The following TMTC1 variants were observed in gnomAD, a reference collection of about 807,000 sequenced individuals.
TMTC1 encodes the protein transmembrane O-mannosyltransferase targeting cadherins 1.
A neutral mutation model predicts 104.8 loss-of-function variants in TMTC1; 73 were observed. That is an observed-to-expected ratio of 0.70 (90% confidence interval 0.58 to 0.85). TMTC1 has a LOEUF of 0.85. Ranked by LOEUF, TMTC1 falls within the 40% of genes least tolerant of loss-of-function variation. The pLI is 0.00. For missense variants in TMTC1, 1,035 were observed against 1,096.1 expected, an observed-to-expected ratio of 0.94 and a Z score of 0.79; for synonymous variants, 434 against 428.7, an observed-to-expected ratio of 1.01 and a Z score of -0.15.
In TMTC1 at chr12:29,721,019, C is replaced by T. The variant is rs555913705; in HGVS notation, c.938+30647G>A. ...CTTCAATGAGCTGAGAAAAAAATAA[C>T]TGTCAAATCAGAAATACATCCCTAA... On this transcript the variant is annotated intron_variant, in intron 5 of 17. Transcript: ENST00000539277. Among the ~76,000 whole-genome samples, 3 of 152,064 alleles carry T rather than the reference C, an allele frequency of 2.0e-5. No individual in the cohort carries two copies. In the East Asian group the frequency reaches 5.8e-4, roughly 29 times the overall value.
At chr12:29,737,447 G>C (rs1008138132) in intron 5 of TMTC1, among the ~76,000 whole-genome samples, 8 of 152,190 alleles carry the variant, frequency 5.3e-5, no homozygotes, top group Non-Finnish European at 1.0e-4. Flanking sequence ...CTGGGAGGCG[G>C]GGGTTGCGGT....
At chr12:29,774,774 C>G (rs2120599749) in intron 1 of TMTC1, among the ~76,000 whole-genome samples, 1 of 152,326 alleles carries the variant, frequency 6.6e-6, no homozygotes, top group South Asian at 2.1e-4. Flanking sequence ...CTTCTGCATT[C>G]CCTTCAGTAC....
At position 29,521,566 on chromosome 12, in the gene TMTC1, CT is replaced by C. The variant is rs3036151; in HGVS notation, c.1786-847del. ...GGTACATTTTTCTTTTTCTTTCTTT[CT>C]TTTTTTTTTTTTTTTTGAGACAGAG... On this transcript the variant is annotated intron_variant, in intron 11 of 17. Transcript: ENST00000539277. 5.7e-3 allele frequency among the ~76,000 whole-genome samples: 515 copies of C among 89,618 alleles called. 3 individuals are homozygous for C. The highest frequency in any genetic ancestry group is 0.047 in the South Asian group (140 of 2,992). 58.8% of individuals were successfully genotyped at this position (89,618 alleles called of 152,430 possible). A position where few individuals can be genotyped will look rare whatever the true frequency, so the allele number is the denominator to read the frequency against.
chr12:29,615,310 C>T (rs896659114), intron 6 of TMTC1, among the ~76,000 whole-genome samples: 2 of 152,178 alleles, frequency 1.3e-5, no homozygotes, highest in African/African-American at 2.4e-5. Context: ...CTGTAAGAAC[C>T]TTCCATGAAA....
intron 7 of TMTC1, among the ~76,000 whole-genome samples, chr12:29,585,400 C>T (rs1348721530): frequency 6.6e-6 from 1 of 152,080 alleles, no homozygotes; most frequent in Non-Finnish European, 1.5e-5. Context: ...TGCCTGTTTA[C>T]TCTGATGGTA....
intron 5 of TMTC1, among the ~76,000 whole-genome samples, chr12:29,722,284 A>C (rs987020137): frequency 6.6e-5 from 10 of 152,148 alleles, no homozygotes; most frequent in Admixed American, 1.3e-4. Context: ...TCATCCACAA[A>C]AGAGCGGTGG....
intron 6 of TMTC1, among the ~76,000 whole-genome samples, chr12:29,631,174 T>C (rs866368898): frequency 1.3e-5 from 2 of 152,234 alleles, no homozygotes; most frequent in South Asian, 4.1e-4. Context: ...GATTTATGTT[T>C]TACAAATATT....
chr12:29,633,244 G>A lies in TMTC1; in HGVS notation c.1031C>T (p.Pro344Leu), dbSNP rs779138728. The A allele has an allele frequency of 1.9e-6, 3 of 1,613,974 alleles. No individual in the cohort carries two copies. Among genetic ancestry groups the A allele is most frequent in the Non-Finnish European group, 2.5e-6 (3 of 1,179,990 alleles). ...CATGTCCCATATGGTCTCTACCAGA[G>A]GAATACTGCCGACCTGCCAGTCATA... ...LCYDWQVGSI[P>L]LVETIWDMRN... The change falls in exon 6 of 18, where the codon CCT becomes CTT. Residue 344 changes from proline to leucine, a missense_variant. Pro to Leu is a moderately conservative substitution (Grantham distance 98, BLOSUM62 -3). Coordinates refer to ENST00000539277, the MANE Select transcript of TMTC1 (RefSeq NM_001193451.2).
chr12:29,525,377 G>C (rs1439473941), intron 11 of TMTC1, among the ~76,000 whole-genome samples: 1 of 151,422 alleles, frequency 6.6e-6, no homozygotes, highest in Admixed American at 6.6e-5. Context: ...GTAGAGACAG[G>C]GTTTCACCAT....
intron 9 of TMTC1, among the ~76,000 whole-genome samples, chr12:29,564,629 G>A (rs1945460042): frequency 6.6e-6 from 1 of 152,156 alleles, no homozygotes. Flanking sequence ...TTCACATGTG[G>A]GGAGGGAGCT....
At chr12:29,778,122 C>T (rs1943754216) in intron 1 of TMTC1, among the ~76,000 whole-genome samples, 1 of 152,148 alleles carries the variant, frequency 6.6e-6, no homozygotes, top group Non-Finnish European at 1.5e-5. Flanking sequence ...TTTTAAACCA[C>T]CCACTTTCAC....
At chr12:29,773,945 G>A (rs926925500) in intron 1 of TMTC1, among the ~76,000 whole-genome samples, 6 of 152,130 alleles carry the variant, frequency 3.9e-5, no homozygotes, top group African/African-American at 1.4e-4. Flanking sequence ...AGTTGCAGGT[G>A]CTCCTTCACC....
chr12:29,569,189 G>C (rs1247023112), intron 9 of TMTC1, among the ~76,000 whole-genome samples: 2 of 152,142 alleles, frequency 1.3e-5, no homozygotes, highest in East Asian at 3.9e-4. Flanking sequence ...AAAGAGGAAG[G>C]AGAAGTCAGT....
intron 10 of TMTC1, among the ~76,000 whole-genome samples, chr12:29,539,144 C>T (rs1378056359): frequency 6.6e-6 from 1 of 152,126 alleles, no homozygotes; most frequent in Non-Finnish European, 1.5e-5. Flanking sequence ...GGCTTTGACA[C>T]AATAACTTAG....
At chr12:29,751,626 C>T (rs754949498) in intron 5 of TMTC1, 40 bp downstream of exon 5, 1 of 1,609,310 alleles carries the variant, frequency 6.2e-7, no homozygotes, top group Non-Finnish European at 8.5e-7. Context: ...TGATGCTGGA[C>T]ATTGAAAACA....
At chr12:29,669,303 G>A (rs1387195206) in intron 5 of TMTC1, among the ~76,000 whole-genome samples, 2 of 152,214 alleles carry the variant, frequency 1.3e-5, no homozygotes, top group African/African-American at 4.8e-5. Flanking sequence ...GTGGTAGGCA[G>A]GGGCCCTTTC....
chr12:29,616,774 A>G (rs1238380181), intron 6 of TMTC1, among the ~76,000 whole-genome samples: 2 of 152,060 alleles, frequency 1.3e-5, no homozygotes, highest in African/African-American at 4.8e-5. Context: ...ACATTTAGAG[A>G]ACTTTGTTAA....
intron 10 of TMTC1, among the ~76,000 whole-genome samples, chr12:29,545,162 G>T (rs998956828): frequency 6.6e-6 from 1 of 151,228 alleles, no homozygotes; most frequent in African/African-American, 2.4e-5. Flanking sequence ...TTTTTCAGCA[G>T]AGGCAGGATG....
chr12:29,563,673 CCTCTGA>C (rs1308531595), intron 9 of TMTC1, among the ~76,000 whole-genome samples: 1 of 152,104 alleles, frequency 6.6e-6, no homozygotes, highest in East Asian at 1.9e-4. Context: ...ATGGAGTTGT[CCTCTGA>C]CTCTAAGAGC....
Sources: allele counts gnomAD v4.1 joint callset (sites outside exome capture counted in the v4.1 genomes callset), GRCh38; gene constraint gnomAD v4.1.1; transcripts MANE v1.5; gene names NCBI Gene and HGNC (gene_info 2026-07-23, HGNC 2026-07-21).